NBEAL1: variants seen among roughly 807,000 people sequenced by gnomAD.
NBEAL1 encodes neurobeachin like 1, also known as neurobeachin-like protein 1.
A neutral mutation model predicts 351.3 loss-of-function variants in NBEAL1; 273 were observed. That is an observed-to-expected ratio of 0.78 (90% CI 0.70 to 0.86). The LOEUF is 0.86. Among genes scored for constraint, NBEAL1 ranks in the 40% least tolerant of loss-of-function variants. The pLI, the probability that NBEAL1 is intolerant of heterozygous loss-of-function variation, is 0.00. For synonymous variants in NBEAL1, 1,050 were observed against 1,086.4 expected (o/e 0.97, Z 0.66); for missense variants, 2,961 against 3,201.3 (o/e 0.92, Z 1.81).
intron 34 of NBEAL1, among the ~76,000 whole-genome samples, chr2:203,151,192 G>C: frequency 6.6e-6 from 1 of 152,064 alleles, no homozygotes; most frequent in East Asian, 1.9e-4. Flanking sequence ...TTAGCTGGGC[G>C]TAGGGGCACA....
Position 203,138,744 on chromosome 2 carries a change from T to G in NBEAL1, c.4844T>G (p.Leu1615Trp), listed in dbSNP as rs75864089. ...LLLGFIGRGNLQVCAMASAKL... is the reference protein window; with the variant it reads ...LLLGFIGRGNWQVCAMASAKL... ...CTAGGATTCATTGGAAGGGGTAATT[T>G]GCAGGTTTGTCCATTCTTTTATATT... The change falls in exon 31 of 56, where the codon TTG becomes TGG. Residue 1615 changes from leucine (L) to tryptophan (W), a missense_variant. By Grantham distance (61) the Leu-to-Trp change is moderately conservative. Coordinates refer to ENST00000683969, the MANE Select transcript of NBEAL1 (RefSeq NM_001378026.1). 6.8e-6 allele frequency: 11 copies of G among 1,610,466 alleles called. No individual in the cohort carries two copies. The highest frequency in any genetic ancestry group is 8.5e-6 in the Non-Finnish European group (10 of 1,179,078).
Position 203,099,715 on chromosome 2 carries a change from G to A in NBEAL1, c.1269+3G>A. 1.3e-6 allele frequency: 2 copies of A among 1,528,404 alleles called. No individual in the cohort carries two copies. The highest frequency in any genetic ancestry group is 2.0e-5 in the Admixed American group (1 of 49,034). The allele number at this position is 1,528,404 out of a possible 1,614,324, so 94.7% of individuals were successfully genotyped here. ...TGAACAAATCTCCAGCTGCTAAGGT[G>A]AAACATATATCCTCCAGCTTTTTTT... On this transcript the variant is annotated splice_donor_region_variant and intron_variant, in intron 12 of 55. Coordinates refer to ENST00000683969, the MANE Select transcript of NBEAL1 (RefSeq NM_001378026.1).
Position 203,068,397 on chromosome 2 carries a change from A to T in NBEAL1, c.520A>T (p.Ile174Phe). 1.3e-6 allele frequency: 2 copies of T among 1,516,428 alleles called. No homozygotes were observed. Among genetic ancestry groups the T allele is most frequent in the Non-Finnish European group, 1.8e-6 (2 of 1,125,684 alleles). 93.9% of individuals were successfully genotyped at this position (1,516,428 alleles called of 1,614,324 possible). The change falls in exon 7 of 56, where the codon ATC becomes TTC. Residue 174 changes from isoleucine to phenylalanine, a missense_variant. Ile to Phe is a conservative substitution (Grantham distance 21, BLOSUM62 0). Coordinates refer to ENST00000683969, the MANE Select transcript of NBEAL1 (RefSeq NM_001378026.1). ...RNWRHRISGR[I>F]LSTVEKSRQK... ...TTAACTTCTTTTTAATGATAGACGA[A>T]TCCTTAGTACTGTGGAAAAGAGCAG...
At chr2:203,037,047 T>C (rs2061050857) in intron 2 of NBEAL1, among the ~76,000 whole-genome samples, 1 of 149,306 alleles carries the variant, frequency 6.7e-6, no homozygotes, top group African/African-American at 2.4e-5. Flanking sequence ...GAGAAAATTC[T>C]CACAAAAGGT....
At chr2:203,111,873 A>T in intron 15 of NBEAL1, 106 bp from the exon 16 acceptor site, 1 of 1,252,144 alleles carries the variant, frequency 8.0e-7, no homozygotes, top group Non-Finnish European at 1.1e-6. Flanking sequence ...GTTTAATCTT[A>T]ACGTTCTACT....
intron 36 of NBEAL1, among the ~76,000 whole-genome samples, chr2:203,161,489 C>T (rs1201474957): frequency 6.9e-6 from 1 of 145,708 alleles, no homozygotes; most frequent in Non-Finnish European, 1.5e-5. Flanking sequence ...ATTAGCCAGG[C>T]ATGGTGGCAC....
At chr2:203,214,365 G>A (rs888540046) in intron 55 of NBEAL1, among the ~76,000 whole-genome samples, 5 of 152,080 alleles carry the variant, frequency 3.3e-5, no homozygotes, top group African/African-American at 4.8e-5. Context: ...CACAGTCAGT[G>A]GCTATAATAA....
intron 11 of NBEAL1, among the ~76,000 whole-genome samples, chr2:203,099,312 A>G (rs2062255510): frequency 1.3e-5 from 2 of 151,980 alleles, no homozygotes; most frequent in Non-Finnish European, 2.9e-5. Context: ...ATTTCCAATG[A>G]ATGATAGACC....
chr2:203,134,266 T>A (rs2063147016), intron 27 of NBEAL1, among the ~76,000 whole-genome samples: 1 of 152,186 alleles, frequency 6.6e-6, no homozygotes, highest in Non-Finnish European at 1.5e-5. Context: ...CAGCTTGGTT[T>A]TATCTATTAT....
At chr2:203,075,732 T>C (rs1301072191) in intron 7 of NBEAL1, among the ~76,000 whole-genome samples, 1 of 152,252 alleles carries the variant, frequency 6.6e-6, no homozygotes, top group Admixed American at 6.5e-5. Flanking sequence ...CTCCTTTCCA[T>C]GTAGCAGTTC....
Position 203,130,388 on chromosome 2 carries a change from T to C in NBEAL1, c.3476T>C (p.Leu1159Pro). The C allele has an allele frequency of 1.3e-6, 2 of 1,535,982 alleles. No individual in the cohort carries two copies. The highest frequency in any genetic ancestry group is 1.8e-6 in the Non-Finnish European group (2 of 1,141,334). Reference protein sequence around the residue: ...TSPTRGQLFLLLFEPGNADIL... With the variant: ...TSPTRGQLFLPLFEPGNADIL... Reference sequence around the variant, plus strand: ...CCAACCAGAGGTCAGCTTTTCTTACTGCTTTTTGAACCAGGAAATGCTGAC... The same window carrying C: ...CCAACCAGAGGTCAGCTTTTCTTACCGCTTTTTGAACCAGGAAATGCTGAC... Residue 1159 changes from leucine (L) to proline (P), a missense_variant, in exon 25 of 56, where the codon CTG becomes CCG. By Grantham distance (98) the Leu-to-Pro change is moderately conservative. Transcript: ENST00000683969.
At chr2:203,088,342 A>C (rs1354516648) in intron 10 of NBEAL1, among the ~76,000 whole-genome samples, 1 of 152,166 alleles carries the variant, frequency 6.6e-6, no homozygotes, top group African/African-American at 2.4e-5. Context: ...AAGAGTCAGC[A>C]TGTGTATTAC....
At chr2:203,125,886 C>T in intron 20 of NBEAL1, 74 bp from the exon 21 acceptor site, 1 of 1,216,268 alleles carries the variant, frequency 8.2e-7, no homozygotes, top group Non-Finnish European at 1.1e-6. Context: ...TAACAGTGTG[C>T]ATTAAGATAT....
intron 2 of NBEAL1, among the ~76,000 whole-genome samples, chr2:203,039,068 T>C (rs947952236): frequency 6.7e-6 from 1 of 148,550 alleles, no homozygotes; most frequent in Admixed American, 6.8e-5. Flanking sequence ...CAGTTTATGA[T>C]TTTTTTGTCC....
intron 2 of NBEAL1, among the ~76,000 whole-genome samples, chr2:203,034,107 CT>C (rs2106024943): frequency 6.7e-6 from 1 of 149,804 alleles, no homozygotes; most frequent in Non-Finnish European, 1.5e-5. Context: ...TTTTATTTGT[CT>C]TTATATTCAT....
At chr2:203,164,605 A>G (rs1422542014) in intron 36 of NBEAL1, among the ~76,000 whole-genome samples, 2 of 152,250 alleles carry the variant, frequency 1.3e-5, no homozygotes, top group South Asian at 2.1e-4. Context: ...TTAGTATTTC[A>G]GTGTTTGGGA....
chr2:203,143,940 G>A (rs1281060014), intron 31 of NBEAL1, among the ~76,000 whole-genome samples: 3 of 152,020 alleles, frequency 2.0e-5, no homozygotes, highest in African/African-American at 4.8e-5. Context: ...TGCTGGACAC[G>A]GTGGCTCACA....
At chr2:203,085,637 C>T (rs1036989618) in intron 10 of NBEAL1, 2 of 152,236 alleles carry the variant, frequency 1.3e-5, no homozygotes, top group African/African-American at 4.8e-5. Context: ...CCATTCTTCT[C>T]TCCAAATATG....
intron 42 of NBEAL1, 106 bp from the exon 43 acceptor site, chr2:203,180,276 A>C: frequency 1.1e-6 from 1 of 919,564 alleles, no homozygotes; most frequent in South Asian, 1.5e-5. Context: ...TTCAGAAAAC[A>C]GTACCTCTAA....
Sources: gnomAD v4.1 joint callset for allele counts (sites outside exome capture counted in the v4.1 genomes callset) on GRCh38, gnomAD v4.1.1 for gene constraint, MANE v1.5 for transcripts, NCBI Gene and HGNC (gene_info 2026-07-23, HGNC 2026-07-21) for gene names.